Variants in GRIP1 observed in about 807,000 individuals in gnomAD.
GRIP1 encodes the protein glutamate receptor interacting protein 1.
A neutral mutation model predicts 129.9 loss-of-function variants in GRIP1; 45 were observed. The observed-to-expected ratio is 0.35, with a 90% CI of 0.27 to 0.44. The LOEUF is 0.44. Among genes scored for constraint, GRIP1 ranks in the 20% least tolerant of loss-of-function variants. The pLI, the probability that GRIP1 is intolerant of heterozygous loss-of-function variation, is 1.00. For missense variants in GRIP1, 1,196 were observed against 1,396.8 expected (o/e 0.86, Z 2.29); for synonymous variants, 530 against 520.8 (o/e 1.02, Z -0.24).
At chr12:66,864,972 T>C (rs1332325507) in intron 1 of GRIP1, among the ~76,000 whole-genome samples, 1 of 152,114 alleles carries the variant, frequency 6.6e-6, no homozygotes, top group Non-Finnish European at 1.5e-5. Flanking sequence ...ATTTAAATGT[T>C]CCCTTAAAAA....
At chr12:66,417,951 C>G (rs936444093) in intron 15 of GRIP1, among the ~76,000 whole-genome samples, 14 of 151,988 alleles carry the variant, frequency 9.2e-5, no homozygotes, top group African/African-American at 3.1e-4. Context: ...AAAATTTATA[C>G]TGAACCACAA....
chr12:66,425,160 G>A (rs892611678), intron 14 of GRIP1, among the ~76,000 whole-genome samples: 1 of 152,064 alleles, frequency 6.6e-6, no homozygotes, highest in African/African-American at 2.4e-5. Flanking sequence ...AAGAATTCTA[G>A]GCTGGCAATC....
chr12:66,920,065 G>T (rs1456119549), intron 1 of GRIP1, among the ~76,000 whole-genome samples: 1 of 152,094 alleles, frequency 6.6e-6, no homozygotes, highest in African/African-American at 2.4e-5. Context: ...TGTATGTAAA[G>T]AATAGGTTGT....
At chr12:66,899,716 T>G (rs2040814078) in intron 1 of GRIP1, among the ~76,000 whole-genome samples, 2 of 152,194 alleles carry the variant, frequency 1.3e-5, no homozygotes, top group South Asian at 4.1e-4. Context: ...GGGTAGATAC[T>G]AGACTTCAAT....
At chr12:66,619,704 T>C (rs192613242) in intron 1 of GRIP1, among the ~76,000 whole-genome samples, 55 of 152,274 alleles carry the variant, frequency 3.6e-4, no homozygotes, top group African/African-American at 1.0e-3. Flanking sequence ...ATAAAAAGAT[T>C]TGAGGGCAAT....
intron 1 of GRIP1, among the ~76,000 whole-genome samples, chr12:66,914,567 G>A (rs889812180): frequency 6.6e-6 from 1 of 152,088 alleles, no homozygotes; most frequent in African/African-American, 2.4e-5. Flanking sequence ...CATTCTCTCA[G>A]GTTTTAAGAA....
chr12:67,030,101 C>T (rs1490286029), intron 1 of GRIP1, among the ~76,000 whole-genome samples: 2 of 150,134 alleles, frequency 1.3e-5, no homozygotes, highest in African/African-American at 2.4e-5. Context: ...GTCCCAGCTA[C>T]TGGGGAGGCT....
chr12:67,019,259 C>G (rs2042831238), intron 1 of GRIP1, among the ~76,000 whole-genome samples: 1 of 152,174 alleles, frequency 6.6e-6, no homozygotes, highest in African/African-American at 2.4e-5. Context: ...GTCCAAGAAT[C>G]TGCTTAGCAG....
intron 1 of GRIP1, among the ~76,000 whole-genome samples, chr12:66,665,430 A>G (rs559851114): frequency 1.3e-5 from 2 of 152,238 alleles, no homozygotes; most frequent in East Asian, 1.9e-4. Context: ...AATAAGAAAT[A>G]GCAGAGCTCT....
At chr12:66,523,383 T>C (rs2061095264) in intron 5 of GRIP1, among the ~76,000 whole-genome samples, 1 of 138,772 alleles carries the variant, frequency 7.2e-6, no homozygotes, top group African/African-American at 2.7e-5. Flanking sequence ...TTCAACATTC[T>C]TAAAGAAAAT....
At chr12:66,393,585 C>T (rs2056676747) in intron 17 of GRIP1, among the ~76,000 whole-genome samples, 2 of 152,138 alleles carry the variant, frequency 1.3e-5, no homozygotes, top group Admixed American at 6.6e-5. Context: ...TTGTGTATTC[C>T]TGAGCTAGGT....
At chr12:66,971,807 G>A (rs369862437) in intron 1 of GRIP1, among the ~76,000 whole-genome samples, 61 of 152,310 alleles carry the variant, frequency 4.0e-4, no homozygotes, top group African/African-American at 1.5e-3. Context: ...TAGAAAATAA[G>A]TAGAATTAAG....
intron 7 of GRIP1, among the ~76,000 whole-genome samples, chr12:66,466,638 T>C (rs2059294714): frequency 6.6e-6 from 1 of 152,220 alleles, no homozygotes; most frequent in Non-Finnish European, 1.5e-5. Flanking sequence ...TGCTTACCTA[T>C]ACAATGGTAT....
At chr12:66,877,588 C>T (rs1317776151) in intron 1 of GRIP1, among the ~76,000 whole-genome samples, 2 of 152,150 alleles carry the variant, frequency 1.3e-5, no homozygotes, top group East Asian at 3.9e-4. Context: ...TACACATTAC[C>T]TCTTACTTAG....
chr12:66,844,428 G>C (rs1190957000), intron 1 of GRIP1, among the ~76,000 whole-genome samples: 5 of 152,016 alleles, frequency 3.3e-5, no homozygotes, highest in African/African-American at 1.2e-4. Flanking sequence ...CTATCAACAA[G>C]AACAACAACA....
intron 1 of GRIP1, among the ~76,000 whole-genome samples, chr12:66,986,627 G>A (rs370327321): frequency 1.4e-5 from 2 of 143,794 alleles, no homozygotes; most frequent in African/African-American, 2.6e-5. Context: ...GAATTGAACA[G>A]TGAGAACACA....
intron 1 of GRIP1, among the ~76,000 whole-genome samples, chr12:66,704,520 T>C (rs942129010): frequency 6.6e-6 from 1 of 151,922 alleles, no homozygotes; most frequent in African/African-American, 2.4e-5. Context: ...AATAAACACA[T>C]GAAAAACTCT....
chr12:66,920,642 A>G (rs1402335389), intron 1 of GRIP1, among the ~76,000 whole-genome samples: 1 of 152,196 alleles, frequency 6.6e-6, no homozygotes. Flanking sequence ...ATTACTCTTA[A>G]TATTTTTATG....
intron 1 of GRIP1, among the ~76,000 whole-genome samples, chr12:66,970,901 G>T (rs2042066586): frequency 6.6e-6 from 1 of 152,230 alleles, no homozygotes; most frequent in African/African-American, 2.4e-5. Flanking sequence ...TGGAGAGTAA[G>T]TCTTTATCAT....
Sources: gnomAD v4.1 joint callset for allele counts (sites outside exome capture counted in the v4.1 genomes callset) on GRCh38, gnomAD v4.1.1 for gene constraint, MANE v1.5 for transcripts, NCBI Gene and HGNC (gene_info 2026-07-23, HGNC 2026-07-21) for gene names.